IDE: variants seen among roughly 807,000 people sequenced by gnomAD.
IDE encodes insulin degrading enzyme, also known as insulin-degrading enzyme.
In IDE, 58 loss-of-function variants were observed where a neutral mutation model predicts 133.2. The observed-to-expected ratio is 0.44, with a 90% confidence interval of 0.35 to 0.54. The LOEUF (loss-of-function observed/expected upper bound fraction) is 0.54, where lower values mean the gene tolerates loss of function less well. IDE is among the 20% of genes least tolerant of loss of function. The probability of loss-of-function intolerance (pLI) is 0.00; values close to 1 mark genes in which losing one functional copy is unlikely to be tolerated. For missense variants in IDE, 981 were observed against 1,234.0 expected (o/e 0.79, Z 3.07); for synonymous variants, 396 against 421.3 (o/e 0.94, Z 0.73).
chr10:92,526,100 C>T (rs1487076232), intron 4 of IDE, among the ~76,000 whole-genome samples: 1 of 150,666 alleles, frequency 6.6e-6, no homozygotes, highest in Non-Finnish European at 1.5e-5. Context: ...TTGCAGTGAG[C>T]TGAGATGGCG....
intron 4 of IDE, among the ~76,000 whole-genome samples, chr10:92,526,663 T>C (rs7073833): frequency 0.38 from 57,039 of 151,390 alleles, 11,939 homozygotes; most frequent in East Asian, 0.67. Context: ...TTGGGCAACA[T>C]AGGGAGACCC....
At chr10:92,518,732 CTCA>C (rs1849056672) in intron 4 of IDE, among the ~76,000 whole-genome samples, 1 of 152,154 alleles carries the variant, frequency 6.6e-6, no homozygotes, top group African/African-American at 2.4e-5. Flanking sequence ...CAGAGGAATA[CTCA>C]TCAATATGGA....
chr10:92,508,246 G>A (rs1190313549), intron 7 of IDE, 41 bp from the exon 8 acceptor site: 3 of 1,488,044 alleles, frequency 2.0e-6, no homozygotes, highest in Admixed American at 1.8e-5. Flanking sequence ...GATTGCATAT[G>A]TGGCTTCCTT....
chr10:92,508,082 T>C, intron 8 of IDE, 31 bp downstream of exon 8: 6 of 1,490,320 alleles, frequency 4.0e-6, no homozygotes, highest in Non-Finnish European at 5.6e-6. Context: ...TAAATTTTCA[T>C]TCAAAAGTAA....
chr10:92,455,697 G>GAAA, intron 23 of IDE, 54 bp from the exon 24 acceptor site: 3 of 812,976 alleles, frequency 3.7e-6, no homozygotes, highest in Admixed American at 3.0e-5. Flanking sequence ...TATCACAAAA[G>GAAA]AACAAAAAAA....
chr10:92,564,320 T>C (rs886688668), intron 1 of IDE, among the ~76,000 whole-genome samples: 2 of 152,074 alleles, frequency 1.3e-5, no homozygotes, highest in African/African-American at 4.8e-5. Context: ...TCCTGAAGGA[T>C]AGTCTCCAAG....
intron 4 of IDE, among the ~76,000 whole-genome samples, chr10:92,527,771 C>T (rs762541926): frequency 3.3e-5 from 5 of 152,116 alleles, no homozygotes; most frequent in African/African-American, 7.2e-5. Context: ...AATCCTAACA[C>T]TTTGAGAGGC....
In IDE at chr10:92,454,278, T is replaced by TA; in HGVS notation, c.*165dup. 3.8e-6 allele frequency: 2 copies of TA among 526,948 alleles called. No homozygotes were observed. The highest frequency in any genetic ancestry group is 6.8e-6 in the Non-Finnish European group (2 of 293,968). The allele number at this position is 526,948 out of a possible 1,614,324, so 32.6% of individuals were successfully genotyped here. A position where few individuals can be genotyped will look rare whatever the true frequency, so the allele number is the denominator to read the frequency against. Reference sequence around the variant, plus strand: ...AATATTCTACATCTATAAGATTTTGTAATTTACTTTGGATTTATAATATTT... The same window carrying TA: ...AATATTCTACATCTATAAGATTTTGTAAATTTACTTTGGATTTATAATATTT... On this transcript the variant is annotated 3_prime_UTR_variant, in exon 25 of 25. Coordinates refer to ENST00000265986, the MANE Select transcript of IDE (RefSeq NM_004969.4).
chr10:92,503,626 A>T, intron 11 of IDE, among the ~76,000 whole-genome samples: 1 of 152,190 alleles, frequency 6.6e-6, no homozygotes, highest in Non-Finnish European at 1.5e-5. Flanking sequence ...TATATATGCA[A>T]TTATCGCTAA....
rs117251230 is a variant in IDE, at chr10:92,490,575, G to T, written c.1451C>A (p.Ser484Tyr). The T allele has an allele frequency of 6.2e-7, 1 of 1,610,846 alleles. No individual in the cohort carries two copies. The highest frequency in any genetic ancestry group is 8.5e-7 in the Non-Finnish European group (1 of 1,177,182). ...TGTGCGATCAGTTTTTCCTTCAAAA[G>T]ATTTAGAAACTATGGCAACCCTAGA... Reference protein sequence around the residue: ...ENVRVAIVSKSFEGKTDRTEE... With the variant: ...ENVRVAIVSKYFEGKTDRTEE... Residue 484 changes from serine to tyrosine, a missense_variant, in exon 12 of 25, where the codon TCT becomes TAT. Physicochemically the swap from Ser to Tyr is moderately radical, Grantham distance 144. This residue lies in a region of IDE where 660 missense variants were observed against 894.7 expected (regional missense o/e 0.74). Transcript: ENST00000265986.
intron 1 of IDE, among the ~76,000 whole-genome samples, chr10:92,548,913 C>T (rs1442284080): frequency 6.6e-6 from 1 of 152,124 alleles, no homozygotes; most frequent in African/African-American, 2.4e-5. Flanking sequence ...GCTAATGGCA[C>T]ATAGTGAGTA....
At chr10:92,517,461 G>T (rs1261916162) in intron 4 of IDE, among the ~76,000 whole-genome samples, 1 of 152,200 alleles carries the variant, frequency 6.6e-6, no homozygotes, top group Non-Finnish European at 1.5e-5. Context: ...AGGCTAGACT[G>T]CAGTGGTGTA....
chr10:92,564,409 C>G (rs973381345), intron 1 of IDE, among the ~76,000 whole-genome samples: 8 of 152,072 alleles, frequency 5.3e-5, no homozygotes, highest in African/African-American at 1.9e-4. Flanking sequence ...AGGTAACTTA[C>G]ACCTGTAATC....
intron 21 of IDE, among the ~76,000 whole-genome samples, chr10:92,462,780 C>T (rs2135334582): frequency 6.6e-6 from 1 of 152,310 alleles, no homozygotes; most frequent in African/African-American, 2.4e-5. Context: ...ATAATAACTA[C>T]TTAATAAGGG....
intron 1 of IDE, chr10:92,541,430 C>T (rs1842300106): frequency 3.5e-6 from 1 of 289,346 alleles, no homozygotes; most frequent in South Asian, 3.0e-5. Context: ...AGCATAAAGC[C>T]TTCAAGAGTA....
At chr10:92,550,061 G>A (rs933295875) in intron 1 of IDE, among the ~76,000 whole-genome samples, 13 of 152,062 alleles carry the variant, frequency 8.5e-5, no homozygotes, top group Admixed American at 2.6e-4. Context: ...CCAGCTACTC[G>A]GGAGGCTGAG....
rs2135714460 is a variant in IDE at position 92,540,248 on chromosome 10, A to AG, written c.99-2699dup. On this transcript the variant is annotated intron_variant, in intron 1 of 24. Transcript: ENST00000265986. ...CAACAGAGCGAGACTCCGTCTCAAA[A>AG]GAAAAAAAAAAAAAACAGTTCTGGT... is the stretch of plus-strand genomic sequence containing the variant. 2.0e-5 allele frequency among the ~76,000 whole-genome samples: 3 copies of AG among 150,220 alleles called. No individual in the cohort carries two copies. In the South Asian group the frequency reaches 6.3e-4, roughly 31 times the overall value.
chr10:92,485,494 C>T (rs1846935004), intron 13 of IDE, among the ~76,000 whole-genome samples: 4 of 152,102 alleles, frequency 2.6e-5, no homozygotes. Context: ...CCAACATGGC[C>T]AAGGATGAAC....
chr10:92,484,049 T>C (rs971165529), intron 13 of IDE, among the ~76,000 whole-genome samples: 7 of 152,164 alleles, frequency 4.6e-5, no homozygotes, highest in Non-Finnish European at 8.8e-5. Context: ...AGCTTGACTA[T>C]AACCTCACGA....
Sources: gnomAD v4.1 joint callset for allele counts (sites outside exome capture counted in the v4.1 genomes callset) on GRCh38, gnomAD v4.1.1 for gene constraint, gnomAD v4.1.1 regional missense constraint, MANE v1.5 for transcripts, NCBI Gene and HGNC (gene_info 2026-07-23, HGNC 2026-07-21) for gene names.